The following NELL1 variants were observed in gnomAD, a reference collection of about 807,000 sequenced individuals.
The protein encoded by NELL1 is neural EGFL like 1, also known as protein kinase C-binding protein NELL1.
In NELL1, 76 loss-of-function variants were observed where a neutral mutation model predicts 107.4. The observed-to-expected ratio is 0.71, with a 90% CI of 0.59 to 0.86. The LOEUF (loss-of-function observed/expected upper bound fraction) is 0.86, where lower values mean the gene tolerates loss of function less well. Ranked by LOEUF, NELL1 falls within the 40% of genes least tolerant of loss-of-function variation. The pLI, the probability that NELL1 is intolerant of heterozygous loss-of-function variation, is 0.00. For missense variants in NELL1, 1,024 were observed against 1,005.5 expected (o/e 1.02, Z -0.25); for synonymous variants, 353 against 341.2 (o/e 1.03, Z -0.38).
In NELL1 at chr11:21,101,070, A is replaced by G. The variant is rs529387996; in HGVS notation, c.1301-12519A>G. On this transcript the variant is annotated intron_variant, in intron 12 of 19. Transcript: ENST00000357134. ...TGTTCTCATTGTTCGATTCCCACCT[A>G]TGAGTGAGAATATGCGGTGTTTGGA... Among the ~76,000 whole-genome samples the G allele has an allele frequency of 8.8e-5, 13 of 148,054 alleles. No individual in the cohort carries two copies. In the East Asian group the frequency reaches 1.8e-3, roughly 21 times the overall value.
Position 20,783,279 on chromosome 11 carries a change from C to A in NELL1, c.185-401C>A, listed in dbSNP as rs76279722. ...TCTCTGAATTTAGGACCACATTTATCCGACTACCTCTCACCTTATTTACAG... is the reference window on the plus strand; with the variant it reads ...TCTCTGAATTTAGGACCACATTTATACGACTACCTCTCACCTTATTTACAG... On this transcript the variant is annotated intron_variant, in intron 2 of 19. Transcript: ENST00000357134. 4.9e-3 allele frequency among the ~76,000 whole-genome samples: 748 copies of A among 152,276 alleles called. 4 individuals are homozygous for A. The highest frequency in any genetic ancestry group is 0.017 in the African/African-American group (717 of 41,552).
At chr11:20,821,695 T>A (rs938533421) in intron 3 of NELL1, among the ~76,000 whole-genome samples, 3 of 152,262 alleles carry the variant, frequency 2.0e-5, no homozygotes, top group African/African-American at 7.2e-5. Flanking sequence ...AGCAGCTAGA[T>A]CTTTAAAGTG....
intron 12 of NELL1, among the ~76,000 whole-genome samples, chr11:20,968,468 C>T (rs907604504): frequency 3.3e-5 from 5 of 152,096 alleles, no homozygotes; most frequent in Admixed American, 3.3e-4. Context: ...AGTGCAGAGT[C>T]TGTAGGTCAG....
chr11:21,295,482 G>A (rs547798009), intron 14 of NELL1, among the ~76,000 whole-genome samples: 103 of 152,184 alleles, frequency 6.8e-4, no homozygotes, highest in Non-Finnish European at 1.2e-3. Context: ...CAGGAATGAT[G>A]TGCTATTGAA....
chr11:21,447,837 A>G (rs1410595826), intron 15 of NELL1, among the ~76,000 whole-genome samples: 3 of 152,114 alleles, frequency 2.0e-5, no homozygotes, highest in African/African-American at 7.2e-5. Flanking sequence ...TGTGGCCTAG[A>G]CAGCACATCA....
intron 5 of NELL1, among the ~76,000 whole-genome samples, chr11:20,915,219 T>G (rs1850219853): frequency 6.6e-6 from 1 of 152,004 alleles, no homozygotes; most frequent in South Asian, 2.1e-4. Context: ...TGCAATAATT[T>G]TAACCATTGT....
At chr11:20,767,039 C>T (rs117618636) in intron 2 of NELL1, among the ~76,000 whole-genome samples, 41 of 152,278 alleles carry the variant, frequency 2.7e-4, no homozygotes, top group Non-Finnish European at 4.9e-4. Flanking sequence ...CCACTGGGCA[C>T]GGCTGCTGTT....
chr11:20,678,294 G>T (rs1398451639), intron 2 of NELL1, among the ~76,000 whole-genome samples: 1 of 152,114 alleles, frequency 6.6e-6, no homozygotes, highest in East Asian at 1.9e-4. Context: ...ATTTTGGTGA[G>T]GATCTAAAGT....
intron 12 of NELL1, among the ~76,000 whole-genome samples, chr11:21,035,794 G>T (rs1853077078): frequency 6.6e-6 from 1 of 152,092 alleles, no homozygotes; most frequent in Non-Finnish European, 1.5e-5. Context: ...ATGGGCAAAA[G>T]CTGGAAGCAT....
At position 21,499,845 on chromosome 11, in the gene NELL1, G is replaced by A. The variant is rs80101034; in HGVS notation, c.1646-34529G>A. Among the ~76,000 whole-genome samples, 2,547 of 152,200 alleles carry A rather than the reference G, an allele frequency of 0.017. 197 individuals carry two copies. The East Asian group carries it at 0.26, about 16-fold the overall frequency. On this transcript the variant is annotated intron_variant, in intron 15 of 19. Coordinates refer to ENST00000357134, the MANE Select transcript of NELL1 (RefSeq NM_006157.5). ...TGTGTTGCATCCTTAGCCCAGGGCT[G>A]TCTAACACCAGTCTTATTACATTTC...
chr11:20,724,562 T>G (rs1209559670), intron 2 of NELL1, among the ~76,000 whole-genome samples: 1 of 152,186 alleles, frequency 6.6e-6, no homozygotes, highest in Non-Finnish European at 1.5e-5. Flanking sequence ...TGAGTGACCT[T>G]TATTCCAGTT....
intron 16 of NELL1, among the ~76,000 whole-genome samples, chr11:21,539,870 G>C (rs529132235): frequency 6.6e-6 from 1 of 151,676 alleles, no homozygotes; most frequent in South Asian, 2.1e-4. Flanking sequence ...CCCATTTAGG[G>C]CTCCCTTTGC....
intron 5 of NELL1, among the ~76,000 whole-genome samples, chr11:20,917,257 A>G (rs1850278162): frequency 6.6e-6 from 1 of 152,012 alleles, no homozygotes; most frequent in South Asian, 2.1e-4. Context: ...GTTAATAAAC[A>G]TATAATTCTG....
rs79106469 is a variant in NELL1, at chr11:20,910,558, T to G, written c.604-7624T>G. Among the ~76,000 whole-genome samples the G allele has an allele frequency of 3.8e-3, 582 of 152,346 alleles. 8 individuals are homozygous for G. The highest frequency in any genetic ancestry group is 0.013 in the African/African-American group (557 of 41,580). The stretch of plus-strand genomic sequence containing the variant: ...AACCTGAGCAGTCCCAGGGGGGCCG[T>G]GCTTAGAAAGGTCCTGTGATTAGAT... On this transcript the variant is annotated intron_variant, in intron 5 of 19. Transcript: ENST00000357134.
At chr11:21,250,032 A>T (rs1295191236) in intron 14 of NELL1, among the ~76,000 whole-genome samples, 1 of 152,172 alleles carries the variant, frequency 6.6e-6, no homozygotes, top group East Asian at 1.9e-4. Flanking sequence ...TTGGGTTTAA[A>T]CTGTGGAGCT....
chr11:20,937,569 G>T (rs1218178948), intron 9 of NELL1, among the ~76,000 whole-genome samples: 1 of 152,198 alleles, frequency 6.6e-6, no homozygotes, highest in Non-Finnish European at 1.5e-5. Context: ...GTATATCCTG[G>T]CTGTAAAGGC....
At chr11:20,983,607 G>C (rs571462866) in intron 12 of NELL1, among the ~76,000 whole-genome samples, 8 of 152,088 alleles carry the variant, frequency 5.3e-5, no homozygotes, top group Admixed American at 5.2e-4. Context: ...TCGATTACCA[G>C]ACTCACTTGT....
chr11:21,298,230 G>A (rs1024810949), intron 14 of NELL1, among the ~76,000 whole-genome samples: 7 of 151,944 alleles, frequency 4.6e-5, no homozygotes, highest in Non-Finnish European at 7.4e-5. Flanking sequence ...CTTGTGATTA[G>A]GATTTATTAT....
At chr11:20,709,786 A>G (rs1251750454) in intron 2 of NELL1, among the ~76,000 whole-genome samples, 1 of 151,162 alleles carries the variant, frequency 6.6e-6, no homozygotes, top group Admixed American at 6.6e-5. Context: ...TTAATATTTT[A>G]TTATTATTCT....
Sources: allele counts gnomAD v4.1 joint callset (sites outside exome capture counted in the v4.1 genomes callset), GRCh38; gene constraint gnomAD v4.1.1; transcripts MANE v1.5; gene names NCBI Gene and HGNC (gene_info 2026-07-23, HGNC 2026-07-21).